Variants in GPC5 observed in about 807,000 individuals in gnomAD.
GPC5 encodes the protein glypican 5.
A neutral mutation model predicts 53.9 loss-of-function variants in GPC5; 47 were observed. The ratio of observed to expected loss-of-function variants is 0.87; its 90% CI spans 0.69 to 1.11. The LOEUF (loss-of-function observed/expected upper bound fraction) is 1.11. Ranked by LOEUF, GPC5 falls within the 50% of genes most tolerant of loss-of-function variation. The pLI, the probability that GPC5 is intolerant of heterozygous loss-of-function variation, is 0.00. For missense variants in GPC5, 748 were observed against 713.1 expected, an observed-to-expected ratio of 1.05 and a Z score of -0.56; for synonymous variants, 286 against 263.3, an observed-to-expected ratio of 1.09 and a Z score of -0.84.
chr13:92,063,531 C>A (rs2041141090), intron 6 of GPC5, among the ~76,000 whole-genome samples: 1 of 152,076 alleles, frequency 6.6e-6, no homozygotes, highest in African/African-American at 2.4e-5. Flanking sequence ...ATTATCTACT[C>A]CTACCATGCT....
intron 2 of GPC5, among the ~76,000 whole-genome samples, chr13:91,493,968 G>T (rs965857301): frequency 7.9e-5 from 12 of 151,918 alleles, no homozygotes; most frequent in Admixed American, 6.6e-5. Flanking sequence ...CCGCCTCCCT[G>T]GTTCAAGCAA....
At chr13:92,123,867 C>A (rs577224143) in intron 6 of GPC5, among the ~76,000 whole-genome samples, 1 of 152,104 alleles carries the variant, frequency 6.6e-6, no homozygotes, top group African/African-American at 2.4e-5. Context: ...ATTGAATAAA[C>A]CTTATTTAGG....
At chr13:92,191,605 G>T (rs2042223340) in intron 7 of GPC5, among the ~76,000 whole-genome samples, 1 of 152,132 alleles carries the variant, frequency 6.6e-6, no homozygotes, top group African/African-American at 2.4e-5. Flanking sequence ...GACAAAAGTT[G>T]GAAGCAACCA....
intron 7 of GPC5, among the ~76,000 whole-genome samples, chr13:92,156,181 T>G (rs942851092): frequency 6.6e-6 from 1 of 152,146 alleles, no homozygotes; most frequent in Admixed American, 6.5e-5. Flanking sequence ...TAACTTTCTG[T>G]TATTCTTATC....
At chr13:92,667,229 A>T (rs1160592072) in intron 7 of GPC5, among the ~76,000 whole-genome samples, 3 of 152,146 alleles carry the variant, frequency 2.0e-5, no homozygotes, top group Admixed American at 1.3e-4. Flanking sequence ...TACTATGTCC[A>T]TAAAAATGCC....
intron 7 of GPC5, among the ~76,000 whole-genome samples, chr13:92,367,119 CAACTA>C (rs920841080): frequency 6.6e-6 from 1 of 152,012 alleles, no homozygotes; most frequent in Non-Finnish European, 1.5e-5. Flanking sequence ...CACCAAGAAA[CAACTA>C]AATTCAAAAT....
chr13:92,660,570 A>AT (rs71123428), intron 7 of GPC5, among the ~76,000 whole-genome samples: 75 of 150,990 alleles, frequency 5.0e-4, no homozygotes, highest in African/African-American at 1.2e-3. Context: ...CTTTTCACAT[A>AT]TTTTTTTTTG....
intron 2 of GPC5, among the ~76,000 whole-genome samples, chr13:91,591,331 A>G (rs1448677145): frequency 1.3e-5 from 2 of 152,172 alleles, no homozygotes; most frequent in Non-Finnish European, 2.9e-5. Context: ...GGTTCCATCT[A>G]TATCTGACTT....
chr13:92,128,238 C>T (rs1310257446), intron 6 of GPC5, among the ~76,000 whole-genome samples: 2 of 152,180 alleles, frequency 1.3e-5, no homozygotes, highest in Admixed American at 6.5e-5. Flanking sequence ...CTGAGCCCTA[C>T]AGGCCAAAGT....
chr13:91,432,202 G>GT (rs1879506145), intron 1 of GPC5, among the ~76,000 whole-genome samples: 5 of 54,736 alleles, frequency 9.1e-5, no homozygotes, highest in African/African-American at 2.7e-4. Flanking sequence ...TGCTGCTGCT[G>GT]CTGTGTGTGT....
In GPC5 at chr13:92,009,253, C is replaced by T. The variant is rs1486610136; in HGVS notation, c.1401+101196C>T. On this transcript the variant is annotated intron_variant, in intron 6 of 7. Transcript: ENST00000377067. The stretch of plus-strand genomic sequence containing the variant: ...TTTTATCTGTTGAGTGCTGGATTTT[C>T]GTGTGTGTGTGTGTGTGTGTGTGTG... Among the ~76,000 whole-genome samples, 16 of 139,830 alleles carry T rather than the reference C, an allele frequency of 1.1e-4. No individual in the cohort carries two copies. The South Asian group carries it at 3.1e-3, about 27-fold the overall frequency. The allele number at this position is 139,830 out of a possible 152,430, so 91.7% of individuals were successfully genotyped here. A position where few individuals can be genotyped will look rare whatever the true frequency, so the allele number is the denominator to read the frequency against.
At chr13:91,513,354 TTGTGTGTG>T (rs139449591) in intron 2 of GPC5, among the ~76,000 whole-genome samples, 6 of 149,468 alleles carry the variant, frequency 4.0e-5, no homozygotes, top group South Asian at 2.1e-4. Flanking sequence ...TTGTTTTCAT[TTGTGTGTG>T]TGTGTGTGTG....
intron 7 of GPC5, among the ~76,000 whole-genome samples, chr13:92,341,192 T>C (rs1355906666): frequency 6.6e-6 from 1 of 152,162 alleles, no homozygotes; most frequent in Admixed American, 6.6e-5. Flanking sequence ...ACAGGCATCA[T>C]TAAATTTCCA....
intron 6 of GPC5, among the ~76,000 whole-genome samples, chr13:92,096,172 C>T (rs2041420608): frequency 6.6e-6 from 1 of 152,206 alleles, no homozygotes; most frequent in African/African-American, 2.4e-5. Context: ...CAATGACATA[C>T]AGCTTTGGAG....
chr13:92,471,665 G>A (rs764472914), intron 7 of GPC5, among the ~76,000 whole-genome samples: 5 of 152,112 alleles, frequency 3.3e-5, no homozygotes, highest in Non-Finnish European at 7.4e-5. Context: ...GAGAATGAGA[G>A]TAATTAGGAG....
At chr13:92,549,884 T>TACACAC (rs34914341) in intron 7 of GPC5, among the ~76,000 whole-genome samples, 3,565 of 140,846 alleles carry the variant, frequency 0.025, 47 homozygotes, top group African/African-American at 0.037. Flanking sequence ...AACACACACA[T>TACACAC]ACACACACAC....
chr13:92,757,668 A>G (rs372181776), intron 7 of GPC5, among the ~76,000 whole-genome samples: 11 of 152,236 alleles, frequency 7.2e-5, no homozygotes, highest in East Asian at 1.9e-4. Context: ...AAAAGTGGGC[A>G]AAGGACATGA....
intron 2 of GPC5, among the ~76,000 whole-genome samples, chr13:91,546,033 A>G (rs1303563129): frequency 1.3e-5 from 2 of 152,120 alleles, no homozygotes; most frequent in African/African-American, 2.4e-5. Flanking sequence ...GCACAGATTT[A>G]TATAATGTAA....
intron 2 of GPC5, among the ~76,000 whole-genome samples, chr13:91,595,808 C>G (rs1384265664): frequency 1.3e-5 from 2 of 152,204 alleles, no homozygotes; most frequent in African/African-American, 4.8e-5. Context: ...CTCCCTTTCT[C>G]TTCATGACCC....
Sources: gnomAD v4.1 joint callset for allele counts (sites outside exome capture counted in the v4.1 genomes callset) on GRCh38, gnomAD v4.1.1 for gene constraint, MANE v1.5 for transcripts, NCBI Gene and HGNC (gene_info 2026-07-23, HGNC 2026-07-21) for gene names.